SLC9A6: variants seen among roughly 807,000 people sequenced by gnomAD.
SLC9A6 encodes the protein solute carrier family 9 member A6.
In SLC9A6, 6 loss-of-function variants were observed where a neutral mutation model predicts 45.3. The ratio of observed to expected loss-of-function variants is 0.13; its 90% CI spans 0.07 to 0.26. SLC9A6 has a LOEUF of 0.26. Ranked by LOEUF, SLC9A6 falls within the 10% of genes least tolerant of loss-of-function variation. The pLI, the probability that SLC9A6 is intolerant of heterozygous loss-of-function variation, is 1.00. For synonymous variants in SLC9A6, 191 were observed against 187.7 expected (o/e 1.02, Z -0.14); for missense variants, 278 against 503.7 (o/e 0.55, Z 4.29).
intron 2 of SLC9A6, among the ~76,000 whole-genome samples, chrX:135,988,847 T>C (rs2089386735): frequency 9.1e-6 from 1 of 110,269 alleles, no homozygotes; most frequent in Non-Finnish European, 1.9e-5. Context: ...CTCTTAGCTC[T>C]TGGGCTCAAG....
At chrX:136,000,187 G>A (rs2089559348) in intron 6 of SLC9A6, among the ~76,000 whole-genome samples, 1 of 102,995 alleles carries the variant, frequency 9.7e-6, no homozygotes, top group Admixed American at 1.1e-4. Flanking sequence ...GGAGTTTGAG[G>A]CTGCAGTGAG....
intron 15 of SLC9A6, among the ~76,000 whole-genome samples, chrX:136,032,377 T>G (rs1307082901): frequency 8.9e-6 from 1 of 112,589 alleles, no homozygotes; most frequent in African/African-American, 3.2e-5. Context: ...TGGCCTAAAT[T>G]CTGTGCTTTT....
Position 135,994,661 on chromosome X carries a change from C to T in SLC9A6, c.170-125C>T, listed in dbSNP as rs138795073. On this transcript the variant is annotated intron_variant, in intron 2 of 17. Transcript: ENST00000630721. ...ATTTTAAAACATAACTGCATTTCAT[C>T]TAAAAATCAGTTCTGAGCTACAGGG... 0.013 allele frequency: 8,019 copies of T among 615,427 alleles called. 48 individuals are homozygous for T. The highest frequency in any genetic ancestry group is 0.017 in the Middle Eastern group (54 of 3,216). The allele number at this position is 615,427 out of a possible 1,213,427, so 50.7% of individuals were successfully genotyped here. A position where few individuals can be genotyped will look rare whatever the true frequency, so the allele number is the denominator to read the frequency against.
chrX:135,975,981 CAAAAAAAAAAAA>C, intron 1 of SLC9A6, among the ~76,000 whole-genome samples: 1 of 62,462 alleles, frequency 1.6e-5, no homozygotes, highest in South Asian at 1.5e-3. Context: ...TTTCTCTAAC[CAAAAAAAAAAAA>C]AAAAAAAAGT....
At chrX:136,041,138 A>G (rs957843802) in intron 17 of SLC9A6, among the ~76,000 whole-genome samples, 2 of 111,617 alleles carry the variant, frequency 1.8e-5, no homozygotes, top group Non-Finnish European at 3.8e-5. Flanking sequence ...AAAAAGAAAA[A>G]GAAAAAGCCT....
In SLC9A6 at chrX:136,013,041, A is replaced by G. The variant is rs1221083094; in HGVS notation, c.978A>G (p.Ala326=). The G allele has an allele frequency of 1.7e-6, 2 of 1,186,173 alleles. No individual in the cohort carries two copies. Among genetic ancestry groups the G allele is most frequent in the Non-Finnish European group, 2.3e-6 (2 of 872,098 alleles). Reference sequence around the variant, plus strand: ...GGAGTACCTTCCTCTTGGCTGAAGCATGGGGCTTCACAGGTAGGTGACTTG... The same window carrying G: ...GGAGTACCTTCCTCTTGGCTGAAGCGTGGGGCTTCACAGGTAGGTGACTTG... ...MSWSTFLLAE[A]WGFTGVVAVL... The change falls in exon 9 of 18, where the codon GCA becomes GCG. Residue 326 remains alanine, a synonymous_variant. Transcript: ENST00000630721.
chrX:136,004,080 C>CTTTTTTT (rs782804669), intron 7 of SLC9A6, among the ~76,000 whole-genome samples: 2 of 66,243 alleles, frequency 3.0e-5, no homozygotes, highest in African/African-American at 6.0e-5. Context: ...CCTCCCTAAT[C>CTTTTTTT]TTTTTTTTTT....
chrX:135,985,299 C>T, upstream of SLC9A6: 1 of 294,688 alleles, frequency 3.4e-6, no homozygotes, highest in Non-Finnish European at 5.9e-6. Flanking sequence ...CCCGGCAGCG[C>T]CTGTGGGTGC....
intron 2 of SLC9A6, among the ~76,000 whole-genome samples, chrX:135,987,615 C>T (rs1331100837): frequency 6.4e-5 from 7 of 108,876 alleles, no homozygotes; most frequent in Admixed American, 2.0e-4. Context: ...CTTGTGGATA[C>T]GTAGATCTCT....
At chrX:135,993,581 C>T (rs782758594) in intron 2 of SLC9A6, among the ~76,000 whole-genome samples, 41 of 111,250 alleles carry the variant, frequency 3.7e-4, no homozygotes, top group African/African-American at 1.2e-3. Context: ...GTCAGGAGTT[C>T]GACCTTGGTC....
chrX:136,024,507 T>C, intron 13 of SLC9A6, 24 bp downstream of exon 13: 1 of 1,167,179 alleles, frequency 8.6e-7, no homozygotes, highest in Non-Finnish European at 1.2e-6. Context: ...AGAGACCTCA[T>C]TTTAAGATTA....
At position 136,044,626 on chromosome X, in the gene SLC9A6, C is replaced by G; in HGVS notation, c.1942C>G (p.His648Asp). ...GGATCGGGAGCTTGCATTTGGGGAC[C>G]ATGAACTGGTCATTCGAGGAACACG... is the stretch of plus-strand genomic sequence containing the variant. ...ALDRELAFGD[H>D]ELVIRGTRLV... The change falls in exon 18 of 18, where the codon CAT becomes GAT. Residue 648 changes from histidine to aspartate, a missense_variant. His to Asp is a moderately conservative substitution (Grantham distance 81, BLOSUM62 -1). This residue lies in a region of SLC9A6 where 91 missense variants were observed against 125.1 expected (regional missense o/e 0.73). Coordinates refer to ENST00000630721, the MANE Select transcript of SLC9A6 (RefSeq NM_001379110.1). 1.7e-6 allele frequency: 2 copies of G among 1,210,262 alleles called. No homozygotes were observed. Among genetic ancestry groups the G allele is most frequent in the Non-Finnish European group, 1.1e-6 (1 of 894,441 alleles).
intron 8 of SLC9A6, among the ~76,000 whole-genome samples, chrX:136,012,654 T>G (rs1358946055): frequency 8.9e-6 from 1 of 112,716 alleles, no homozygotes; most frequent in Non-Finnish European, 1.9e-5. Context: ...AGATCTGATC[T>G]GTTACTCCCG....
intron 1 of SLC9A6, among the ~76,000 whole-genome samples, chrX:135,978,046 GGTT>G (rs1212799990): frequency 8.9e-6 from 1 of 112,253 alleles, no homozygotes; most frequent in African/African-American, 3.2e-5. Context: ...TACCTGCCTA[GGTT>G]GTTATCAGCA....
At chrX:136,028,082 C>T (rs1174830349) in intron 13 of SLC9A6, among the ~76,000 whole-genome samples, 1 of 112,393 alleles carries the variant, frequency 8.9e-6, no homozygotes, top group Non-Finnish European at 1.9e-5. Context: ...CGGAACCACT[C>T]TTATGTTGGT....
intron 10 of SLC9A6, among the ~76,000 whole-genome samples, chrX:136,015,651 A>G (rs1452820965): frequency 8.9e-6 from 1 of 112,437 alleles, no homozygotes; most frequent in East Asian, 2.8e-4. Context: ...TGTTATCATT[A>G]GTATAAATAA....
At chrX:136,022,882 T>C (rs1556620089) in intron 12 of SLC9A6, among the ~76,000 whole-genome samples, 185 bp downstream of exon 12, 1 of 109,672 alleles carries the variant, frequency 9.1e-6, no homozygotes, top group Admixed American at 9.8e-5. Flanking sequence ...CGATCTTGGC[T>C]CACTGCAACC....
intron 12 of SLC9A6, 26 bp downstream of exon 12, chrX:136,022,723 C>A: frequency 1.0e-6 from 1 of 984,569 alleles, no homozygotes; most frequent in Non-Finnish European, 1.4e-6. Flanking sequence ...CTTCTCTTGC[C>A]CACTTCAAGC....
intron 3 of SLC9A6, among the ~76,000 whole-genome samples, chrX:135,997,008 C>T (rs1359398884): frequency 1.4e-4 from 16 of 110,920 alleles, no homozygotes; most frequent in South Asian, 1.1e-3. Flanking sequence ...CTTTGTGATC[C>T]GCCCGCCTTG....
Sources: gnomAD v4.1 joint callset for allele counts (sites outside exome capture counted in the v4.1 genomes callset) on GRCh38, gnomAD v4.1.1 for gene constraint, gnomAD v4.1.1 regional missense constraint, MANE v1.5 for transcripts, NCBI Gene and HGNC (gene_info 2026-07-23, HGNC 2026-07-21) for gene names.